FARS2: variants seen among roughly 807,000 people sequenced by gnomAD.
FARS2 encodes phenylalanyl-tRNA synthetase 2, mitochondrial.
In FARS2, 40 loss-of-function variants were observed where a neutral mutation model predicts 46.4. That is an observed-to-expected ratio of 0.86 (90% CI 0.67 to 1.12). The LOEUF (loss-of-function observed/expected upper bound fraction) is 1.12, where lower values mean the gene tolerates loss of function less well. Among genes scored for constraint, FARS2 ranks in the 50% most tolerant of loss-of-function variants. The pLI is 0.00. For synonymous variants in FARS2, 234 were observed against 214.9 expected (o/e 1.09, Z -0.78); for missense variants, 513 against 567.9 (o/e 0.90, Z 0.98).
intron 4 of FARS2, among the ~76,000 whole-genome samples, chr6:5,537,224 G>A (rs943633687): frequency 8.5e-5 from 13 of 152,182 alleles, no homozygotes; most frequent in Non-Finnish European, 1.6e-4. Context: ...TGCTGTACAG[G>A]ACTAAGGACT....
At chr6:5,318,387 C>CAAAAAA (rs753113504) in intron 1 of FARS2, among the ~76,000 whole-genome samples, 10 of 77,190 alleles carry the variant, frequency 1.3e-4, no homozygotes, top group African/African-American at 2.8e-4. Context: ...AAAAAAAAAC[C>CAAAAAA]AAAAAAAAAA....
At chr6:5,297,352 A>T (rs934629548) in intron 1 of FARS2, among the ~76,000 whole-genome samples, 3 of 152,202 alleles carry the variant, frequency 2.0e-5, no homozygotes, top group African/African-American at 7.2e-5. Context: ...ATTCTCTTTA[A>T]AAAAACTAAT....
At chr6:5,535,002 A>T (rs1383327673) in intron 4 of FARS2, among the ~76,000 whole-genome samples, 1 of 152,196 alleles carries the variant, frequency 6.6e-6, no homozygotes, top group East Asian at 1.9e-4. Flanking sequence ...ACAGGGTTTC[A>T]GTTTCTCCAC....
intron 2 of FARS2, among the ~76,000 whole-genome samples, chr6:5,392,227 A>G (rs989370092): frequency 4.6e-5 from 7 of 152,106 alleles, no homozygotes; most frequent in Non-Finnish European, 1.0e-4. Context: ...GCATTGGTTA[A>G]TGGACTACAG....
At chr6:5,281,879 T>A (rs1766754987) in intron 1 of FARS2, among the ~76,000 whole-genome samples, 1 of 152,184 alleles carries the variant, frequency 6.6e-6, no homozygotes, top group South Asian at 2.1e-4. Context: ...ACCTTATGTG[T>A]TCACCCGGAG....
At chr6:5,553,031 C>A (rs144477185) in intron 5 of FARS2, among the ~76,000 whole-genome samples, 6 of 152,284 alleles carry the variant, frequency 3.9e-5, no homozygotes, top group Admixed American at 2.0e-4. Context: ...GAAAATTACT[C>A]AACATTGTAC....
chr6:5,561,241 T>C (rs115982355), intron 5 of FARS2, among the ~76,000 whole-genome samples: 1,658 of 152,310 alleles, frequency 0.011, 37 homozygotes, highest in African/African-American at 0.037. Context: ...CAGTTAAGCA[T>C]AATTATTAAT....
chr6:5,510,113 G>T (rs1032752301), intron 4 of FARS2, among the ~76,000 whole-genome samples: 4 of 152,072 alleles, frequency 2.6e-5, no homozygotes, highest in African/African-American at 9.7e-5. Flanking sequence ...GTTTGGAGGG[G>T]TTTTTTGTTT....
At chr6:5,616,230 G>A (rs1225584480) in intron 6 of FARS2, among the ~76,000 whole-genome samples, 1 of 152,088 alleles carries the variant, frequency 6.6e-6, no homozygotes, top group Admixed American at 6.5e-5. Context: ...GAATGTATGG[G>A]GTAGTCTGGA....
rs1477987551 is a variant in FARS2 at position 5,444,115 on chromosome 6, GTGTGTGTGTGTA to G, written c.904+12950_904+12961del. Reference sequence around the variant, plus strand: ...CTCGTGTGTGTGTGTGTGTGTGTGTGTGTGTGTGTGTATGTGTGCATGCACGCACGTGCATAT... The same window carrying G: ...CTCGTGTGTGTGTGTGTGTGTGTGTGTGTGTGCATGCACGCACGTGCATAT... On this transcript the variant is annotated intron_variant, in intron 4 of 6. Coordinates refer to ENST00000274680, the MANE Select transcript of FARS2 (RefSeq NM_006567.5). Among the ~76,000 whole-genome samples the G allele has an allele frequency of 1.6e-3, 250 of 151,766 alleles. 3 individuals carry two copies. The South Asian group carries it at 0.022, about 13-fold the overall frequency.
chr6:5,379,932 G>C (rs1318756956), intron 2 of FARS2, among the ~76,000 whole-genome samples: 4 of 152,204 alleles, frequency 2.6e-5, no homozygotes, highest in Admixed American at 2.6e-4. Context: ...AGGCAATGAA[G>C]GATTGATTGT....
chr6:5,340,821 G>C (rs1383927501), intron 1 of FARS2, among the ~76,000 whole-genome samples: 1 of 151,910 alleles, frequency 6.6e-6, no homozygotes. Flanking sequence ...GGAACCATCT[G>C]CCTGGGGGCT....
intron 6 of FARS2, among the ~76,000 whole-genome samples, chr6:5,720,721 T>A (rs1759837953): frequency 6.6e-6 from 1 of 152,226 alleles, no homozygotes; most frequent in African/African-American, 2.4e-5. Context: ...CTGATATTGA[T>A]CATATTAAAA....
At chr6:5,640,254 C>T (rs921485218) in intron 6 of FARS2, among the ~76,000 whole-genome samples, 8 of 152,084 alleles carry the variant, frequency 5.3e-5, no homozygotes, top group South Asian at 4.1e-4. Flanking sequence ...TATGAGGTCC[C>T]GTATTATGTA....
At chr6:5,603,844 T>C (rs988806487) in intron 5 of FARS2, among the ~76,000 whole-genome samples, 1 of 152,204 alleles carries the variant, frequency 6.6e-6, no homozygotes, top group Admixed American at 6.5e-5. Context: ...TTATCTTTTT[T>C]TGGGAGGGGA....
intron 6 of FARS2, among the ~76,000 whole-genome samples, chr6:5,663,924 T>TG (rs1399336679): frequency 1.3e-5 from 2 of 152,158 alleles, no homozygotes; most frequent in Non-Finnish European, 2.9e-5. Context: ...GCAGAAAGGA[T>TG]GGATGCACGC....
At chr6:5,469,981 G>A (rs1484958781) in intron 4 of FARS2, among the ~76,000 whole-genome samples, 1 of 152,204 alleles carries the variant, frequency 6.6e-6, no homozygotes, top group Non-Finnish European at 1.5e-5. Flanking sequence ...TGACCTTGAA[G>A]AGTTGTAAAA....
intron 4 of FARS2, among the ~76,000 whole-genome samples, chr6:5,538,798 G>T (rs1770382323): frequency 6.6e-6 from 1 of 152,182 alleles, no homozygotes; most frequent in Non-Finnish European, 1.5e-5. Context: ...GGTAAAATTT[G>T]ATGCAACTCA....
intron 3 of FARS2, among the ~76,000 whole-genome samples, chr6:5,424,275 T>C (rs1354369576): frequency 1.3e-5 from 2 of 152,200 alleles, no homozygotes; most frequent in Non-Finnish European, 2.9e-5. Context: ...ATACAACACC[T>C]ATCGAGGGCG....
Sources: allele counts gnomAD v4.1 joint callset (sites outside exome capture counted in the v4.1 genomes callset), GRCh38; gene constraint gnomAD v4.1.1; transcripts MANE v1.5; gene names NCBI Gene and HGNC (gene_info 2026-07-23, HGNC 2026-07-21).